MLLT1: variants seen among roughly 807,000 people sequenced by gnomAD.
MLLT1 encodes the protein protein ENL.
In MLLT1, 11 loss-of-function variants were observed where a neutral mutation model predicts 55.1. The ratio of observed to expected loss-of-function variants is 0.20; its 90% CI spans 0.13 to 0.33. The LOEUF (loss-of-function observed/expected upper bound fraction) is 0.33, where lower values mean the gene tolerates loss of function less well. Ranked by LOEUF, MLLT1 falls within the 10% of genes least tolerant of loss-of-function variation. The pLI, the probability that MLLT1 is intolerant of heterozygous loss-of-function variation, is 1.00. For missense variants in MLLT1, 536 were observed against 760.6 expected (o/e 0.70, Z 3.47); for synonymous variants, 323 against 320.1 (o/e 1.01, Z -0.10).
chr19:6,239,299 A>C (rs2091092670), intron 3 of MLLT1, among the ~76,000 whole-genome samples: 1 of 152,258 alleles, frequency 6.6e-6, no homozygotes, highest in African/African-American at 2.4e-5. Flanking sequence ...CACGTCCAGG[A>C]TGCGATCCGA....
chr19:6,271,295 A>G (rs1489993696), intron 1 of MLLT1, among the ~76,000 whole-genome samples: 1 of 151,884 alleles, frequency 6.6e-6, no homozygotes, highest in Non-Finnish European at 1.5e-5. Flanking sequence ...AAGCTTGTTG[A>G]CTCCAGCATT....
intron 3 of MLLT1, among the ~76,000 whole-genome samples, chr19:6,239,769 C>G (rs2091098510): frequency 6.6e-6 from 1 of 152,022 alleles, no homozygotes; most frequent in South Asian, 2.1e-4. Flanking sequence ...CATATACACA[C>G]CCACTCACAT....
At position 6,279,814 on chromosome 19, in the gene MLLT1, C is replaced by A; in HGVS notation, c.-30G>T. 1 of 152,882 alleles carries A rather than the reference C, an allele frequency of 6.5e-6. No individual in the cohort carries two copies. Among genetic ancestry groups the A allele is most frequent in the Non-Finnish European group, 1.4e-5 (1 of 71,122 alleles). 9.5% of individuals were successfully genotyped at this position (152,882 alleles called of 1,614,324 possible). A position where few individuals can be genotyped will look rare whatever the true frequency, so the allele number is the denominator to read the frequency against. The stretch of plus-strand genomic sequence containing the variant: ...GGCGCCCCGCCCCGCCCCCGGGCCC[C>A]GCGTCGCTCGCCGCCGCCGCCGCCG... On this transcript the variant is annotated 5_prime_UTR_variant, in exon 1 of 12. Coordinates refer to ENST00000252674, the MANE Select transcript of MLLT1 (RefSeq NM_005934.4).
intron 3 of MLLT1, among the ~76,000 whole-genome samples, chr19:6,249,553 A>C (rs2091196780): frequency 6.6e-6 from 1 of 152,164 alleles, no homozygotes; most frequent in African/African-American, 2.4e-5. Flanking sequence ...TTTCCAAAAG[A>C]ACAGTTCAGC....
rs2090871827 is a variant in MLLT1 at position 6,219,073 on chromosome 19, C to T, written c.1111-1032G>A. ...GTACTGAGCTGGTGGGACTCAGGAC[C>T]TTGAGTGCCTGGGAGCCCCCGGCCC... On this transcript the variant is annotated intron_variant, in intron 6 of 11. Transcript: ENST00000252674. The surrounding 1 kb of genome is among the most constrained non-coding windows in gnomAD (Gnocchi z 4.5). Among the ~76,000 whole-genome samples, 1 of 151,982 alleles carries T rather than the reference C, an allele frequency of 6.6e-6. No individual in the cohort carries two copies. The highest frequency in any genetic ancestry group is 1.5e-5 in the Non-Finnish European group (1 of 67,928).
rs2090964811 is a variant in MLLT1, at chr19:6,227,250, G to A, written c.421-148C>T. On this transcript the variant is annotated intron_variant, in intron 4 of 11. Transcript: ENST00000252674. This position sits in a 1 kb window ranked among gnomAD's most constrained non-coding sequence, Gnocchi z 5.1. Reference sequence around the variant, plus strand: ...CCGAAAGAATCCCAGGTGCTTCCCTGCTGGGGACTGGGTGCTGAGCACGCA... The same window carrying A: ...CCGAAAGAATCCCAGGTGCTTCCCTACTGGGGACTGGGTGCTGAGCACGCA... The A allele has an allele frequency of 2.5e-6, 2 of 784,604 alleles. No homozygotes were observed. Among genetic ancestry groups the A allele is most frequent in the Non-Finnish European group, 3.9e-6 (2 of 519,234 alleles). The allele number at this position is 784,604 out of a possible 1,614,324, so 48.6% of individuals were successfully genotyped here.
In MLLT1 at chr19:6,273,906, G is replaced by C. The variant is rs1343281736; in HGVS notation, c.13-3147C>G. On this transcript the variant is annotated intron_variant, in intron 1 of 11. Coordinates refer to ENST00000252674, the MANE Select transcript of MLLT1 (RefSeq NM_005934.4). This position sits in a 1 kb window ranked among gnomAD's most constrained non-coding sequence, Gnocchi z 4.3. ...AGGCGGCAGAGCAGTTATTGTGAAA[G>C]AGTGAAAGACCGCGGTTCCACTGGA... Among the ~76,000 whole-genome samples the C allele has an allele frequency of 6.6e-6, 1 of 152,242 alleles. No homozygotes were observed. The highest frequency in any genetic ancestry group is 6.5e-5 in the Admixed American group (1 of 15,288).
intron 3 of MLLT1, among the ~76,000 whole-genome samples, chr19:6,260,875 C>T (rs2091299039): frequency 6.6e-6 from 1 of 152,208 alleles, no homozygotes; most frequent in Non-Finnish European, 1.5e-5. Flanking sequence ...GCCTTGCTGG[C>T]CCAAACTGCT....
chr19:6,211,551 G>T lies in MLLT1; in HGVS notation c.*1491C>A. On this transcript the variant is annotated 3_prime_UTR_variant, in exon 12 of 12. Transcript: ENST00000252674. The surrounding 1 kb of genome is among the most constrained non-coding windows in gnomAD (Gnocchi z 4.6). ...CCCCCAAGTCTGAACTCATAGGCTG[G>T]GGAGGAGGAGACATCTAGGTGGGTT... 1 of 1,026,612 alleles carries T rather than the reference G, an allele frequency of 9.7e-7. No homozygotes were observed. The highest frequency in any genetic ancestry group is 1.2e-6 in the Non-Finnish European group (1 of 843,598). The allele number at this position is 1,026,612 out of a possible 1,614,324, so 63.6% of individuals were successfully genotyped here.
chr19:6,271,024 C>T (rs752509735), intron 1 of MLLT1, among the ~76,000 whole-genome samples: 9 of 152,132 alleles, frequency 5.9e-5, no homozygotes, highest in East Asian at 3.9e-4. Flanking sequence ...GCCTCCTCAC[C>T]GGTCCCCAGC....
At chr19:6,250,214 T>C (rs1463267697) in intron 3 of MLLT1, among the ~76,000 whole-genome samples, 1 of 152,062 alleles carries the variant, frequency 6.6e-6, no homozygotes, top group Non-Finnish European at 1.5e-5. Flanking sequence ...ACAAATACCA[T>C]TTCACACCCA....
Position 6,270,435 on chromosome 19 carries a change from G to A in MLLT1, c.193+144C>T, listed in dbSNP as rs894962065. On this transcript the variant is annotated intron_variant, in intron 2 of 11. Coordinates refer to ENST00000252674, the MANE Select transcript of MLLT1 (RefSeq NM_005934.4). The surrounding 1 kb of genome is among the most constrained non-coding windows in gnomAD (Gnocchi z 7.1). ...AACAGCTGGAGGTGACACGGCTCCA[G>A]TGCCCCCACGCCGAGGGACGCAAGC... is the stretch of plus-strand genomic sequence containing the variant. 3 of 801,348 alleles carry A rather than the reference G, an allele frequency of 3.7e-6. No homozygotes were observed. Among genetic ancestry groups the A allele is most frequent in the Non-Finnish European group, 5.7e-6 (3 of 524,762 alleles). The allele number at this position is 801,348 out of a possible 1,614,324, so 49.6% of individuals were successfully genotyped here.
intron 8 of MLLT1, 117 bp downstream of exon 8, chr19:6,216,288 G>T: frequency 1.4e-6 from 1 of 736,378 alleles, no homozygotes; most frequent in Non-Finnish European, 2.3e-6. Flanking sequence ...CCCTGCTTTG[G>T]CCCTCCCAGG....
At chr19:6,276,721 A>G (rs537129451) in intron 1 of MLLT1, among the ~76,000 whole-genome samples, 1 of 152,130 alleles carries the variant, frequency 6.6e-6, no homozygotes, top group African/African-American at 2.4e-5. Flanking sequence ...CCCTTAAGTG[A>G]GCAGGGAACT....
intron 3 of MLLT1, among the ~76,000 whole-genome samples, chr19:6,252,078 T>C (rs2091220422): frequency 6.6e-6 from 1 of 152,178 alleles, no homozygotes; most frequent in Admixed American, 6.5e-5. Context: ...TCGCCCTCAG[T>C]GTGGACCAGC....
intron 3 of MLLT1, among the ~76,000 whole-genome samples, chr19:6,241,795 C>G (rs1225047987): frequency 6.6e-6 from 1 of 152,228 alleles, no homozygotes; most frequent in African/African-American, 2.4e-5. Flanking sequence ...ACAGCTGGCA[C>G]GCATCCATGC....
rs1568297563 is a variant in MLLT1 at position 6,268,274 on chromosome 19, G to A, written c.193+2305C>T. 2.6e-5 allele frequency among the ~76,000 whole-genome samples: 4 copies of A among 152,228 alleles called. No homozygotes were observed. The South Asian group carries it at 8.3e-4, about 31-fold the overall frequency. The stretch of plus-strand genomic sequence containing the variant: ...TCACAAAGACAACCAACGCAAAAGC[G>A]AGTCACTGGACTATTAAAAACTTAG... On this transcript the variant is annotated intron_variant, in intron 2 of 11. Transcript: ENST00000252674.
intron 3 of MLLT1, among the ~76,000 whole-genome samples, chr19:6,243,988 G>A (rs533546033): frequency 1.4e-3 from 206 of 147,610 alleles, no homozygotes; most frequent in African/African-American, 5.0e-3. Flanking sequence ...GGCTTGCAGT[G>A]AGCCGAGATC....
In MLLT1 at chr19:6,211,031, G is replaced by C. The variant is rs2090763254; in HGVS notation, c.*2011C>G. On this transcript the variant is annotated 3_prime_UTR_variant, in exon 12 of 12. Transcript: ENST00000252674. This position sits in a 1 kb window ranked among gnomAD's most constrained non-coding sequence, Gnocchi z 4.6. ...CGACCCTCCTCTGGCTGAGTGGAAG[G>C]CTGCTCGAGTCGCTGTGTGGATTTT... 1 of 231,604 alleles carries C rather than the reference G, an allele frequency of 4.3e-6. No homozygotes were observed. Among genetic ancestry groups the C allele is most frequent in the Admixed American group, 5.7e-5 (1 of 17,692 alleles). The allele number at this position is 231,604 out of a possible 1,614,324, so 14.3% of individuals were successfully genotyped here. A position where few individuals can be genotyped will look rare whatever the true frequency, so the allele number is the denominator to read the frequency against.
Sources: allele counts gnomAD v4.1 joint callset (sites outside exome capture counted in the v4.1 genomes callset), GRCh38; gene constraint gnomAD v4.1.1; non-coding constraint Gnocchi (gnomAD v3.1); transcripts MANE v1.5; gene names NCBI Gene and HGNC (gene_info 2026-07-23, HGNC 2026-07-21).